C2orf81: variants seen among roughly 807,000 people sequenced by gnomAD.
C2orf81 encodes the protein chromosome 2 open reading frame 81.
In C2orf81, 5 loss-of-function variants were observed where a neutral mutation model predicts 7.9. The ratio of observed to expected loss-of-function variants is 0.63; its 90% CI spans 0.33 to 1.33. The LOEUF (loss-of-function observed/expected upper bound fraction) is 1.33, where lower values mean the gene tolerates loss of function less well. Ranked by LOEUF, C2orf81 falls within the 40% of genes most tolerant of loss-of-function variation. The pLI is 0.05. For synonymous variants in C2orf81, 346 were observed against 367.4 expected (o/e 0.94, Z 0.66); for missense variants, 781 against 830.4 (o/e 0.94, Z 0.73).
Position 74,415,376 on chromosome 2 carries a change from C to A in C2orf81, c.801G>T (p.Ala267=), listed in dbSNP as rs991471840. The change falls in exon 3 of 3, where the codon GCG becomes GCT. Residue 267 remains alanine, a synonymous_variant. Coordinates refer to ENST00000684111, the MANE Select transcript of C2orf81 (RefSeq NM_001316764.3). The surrounding 1 kb of genome is among the most constrained non-coding windows in gnomAD (Gnocchi z 5.5). The part of the protein sequence containing the change: ...SASFQLSVEE[A]PADDADPSLD... The stretch of plus-strand genomic sequence containing the variant: ...GAGAAGGGTCGGCATCGTCGGCAGG[C>A]GCCTCCTCCACCGACAGTTGGAAGC... The A allele has an allele frequency of 2.0e-6, 3 of 1,516,176 alleles. No homozygotes were observed. The highest frequency in any genetic ancestry group is 1.2e-5 in the South Asian group (1 of 80,206). The allele number at this position is 1,516,176 out of a possible 1,614,324, so 93.9% of individuals were successfully genotyped here. A position where few individuals can be genotyped will look rare whatever the true frequency, so the allele number is the denominator to read the frequency against.
chr2:74,416,246 G>T lies in C2orf81; in HGVS notation c.19-5C>A. The T allele has an allele frequency of 7.4e-7, 1 of 1,354,102 alleles. No individual in the cohort carries two copies. 83.9% of individuals were successfully genotyped at this position (1,354,102 alleles called of 1,614,324 possible). A position where few individuals can be genotyped will look rare whatever the true frequency, so the allele number is the denominator to read the frequency against. ...TCGGACCTGCCTCTCCTGCCTCTGT[G>T]AGAACAAAACATGGCAATCAGAGCA... On this transcript the variant is annotated splice_region_variant and splice_polypyrimidine_tract_variant and intron_variant, in intron 1 of 2. Coordinates refer to ENST00000684111, the MANE Select transcript of C2orf81 (RefSeq NM_001316764.3).
At chr2:74,417,536 G>T in intron 1 of C2orf81, 1 of 1,106,258 alleles carries the variant, frequency 9.0e-7, no homozygotes, top group Non-Finnish European at 1.2e-6. Context: ...CTAGTGCAGG[G>T]ACTAGGGAAG....
Position 74,416,226 on chromosome 2 carries a change from C to T in C2orf81, c.34G>A (p.Val12Ile). The T allele has an allele frequency of 1.5e-6, 2 of 1,373,540 alleles. No homozygotes were observed. The highest frequency in any genetic ancestry group is 1.9e-6 in the Non-Finnish European group (2 of 1,039,412). The allele number at this position is 1,373,540 out of a possible 1,614,324, so 85.1% of individuals were successfully genotyped here. Residue 12 changes from valine (V) to isoleucine (I), a missense_variant, in exon 2 of 3, where the codon GTC (valine) becomes ATC (isoleucine). Val to Ile is a conservative substitution (Grantham distance 29). Coordinates refer to ENST00000684111, the MANE Select transcript of C2orf81 (RefSeq NM_001316764.3). ...AHEGSRQERQVRDRGVTRSKA... is the reference protein window; with the variant it reads ...AHEGSRQERQIRDRGVTRSKA... Reference sequence around the variant, plus strand: ...GACCGGGTCACCCCGCGGTCTCGGACCTGCCTCTCCTGCCTCTGTGAGAAC... The same window carrying T: ...GACCGGGTCACCCCGCGGTCTCGGATCTGCCTCTCCTGCCTCTGTGAGAAC...
rs1676444372 is a variant in C2orf81 at position 74,415,693 on chromosome 2, C to A, written c.484G>T (p.Ala162Ser). 6.4e-7 allele frequency: 1 copy of A among 1,551,408 alleles called. No homozygotes were observed. Among genetic ancestry groups the A allele is most frequent in the Admixed American group, 2.0e-5 (1 of 50,994 alleles). Reference protein sequence around the residue: ...NFQGEVHSSGASPDSSAIAPA... With the variant: ...NFQGEVHSSGSSPDSSAIAPA... Reference sequence around the variant, plus strand: ...GCAATGGCAGAGGAGTCCGGAGAGGCTCCTGAGGAGTGTACTTCGCCTTGG... The same window carrying A: ...GCAATGGCAGAGGAGTCCGGAGAGGATCCTGAGGAGTGTACTTCGCCTTGG... The change falls in exon 3 of 3, where the codon GCC becomes TCC. Residue 162 changes from alanine to serine, a missense_variant. Physicochemically the swap from Ala to Ser is moderately conservative, Grantham distance 99. Transcript: ENST00000684111. The surrounding 1 kb of genome is among the most constrained non-coding windows in gnomAD (Gnocchi z 5.5).
chr2:74,420,766 C>CTTT (rs1676583081), intron 1 of C2orf81, among the ~76,000 whole-genome samples: 1 of 131,416 alleles, frequency 7.6e-6, no homozygotes, highest in African/African-American at 3.0e-5. Flanking sequence ...TTTCTTTCTT[C>CTTT]TTCTTCTTTT....
intron 1 of C2orf81, among the ~76,000 whole-genome samples, chr2:74,419,992 C>T (rs769984934): frequency 2.0e-4 from 30 of 152,182 alleles, no homozygotes; most frequent in Non-Finnish European, 4.0e-4. Flanking sequence ...CCAGACTGGT[C>T]TTGAACTGGC....
At chr2:74,420,763 C>CT (rs1676582720) in intron 1 of C2orf81, among the ~76,000 whole-genome samples, 1 of 126,326 alleles carries the variant, frequency 7.9e-6, no homozygotes, top group African/African-American at 3.2e-5. Flanking sequence ...CGTTTTCTTT[C>CT]TTCTTCTTCT....
chr2:74,415,671 A>G lies in C2orf81; in HGVS notation c.506T>C (p.Ile169Thr). 7.1e-6 allele frequency: 11 copies of G among 1,551,386 alleles called. No individual in the cohort carries two copies. The highest frequency in any genetic ancestry group is 9.6e-6 in the Non-Finnish European group (11 of 1,146,984). The stretch of plus-strand genomic sequence containing the variant: ...TGTCGGAAAGGGGAGAGCAGGAGCA[A>G]TGGCAGAGGAGTCCGGAGAGGCTCC... ...SSGASPDSSA[I>T]APALPFPTSH... Residue 169 changes from isoleucine to threonine, a missense_variant, in exon 3 of 3, where the codon ATT (isoleucine) becomes ACT (threonine). Transcript: ENST00000684111. This position sits in a 1 kb window ranked among gnomAD's most constrained non-coding sequence, Gnocchi z 5.5.
Position 74,414,745 on chromosome 2 carries a change from G to C in C2orf81, c.1432C>G (p.Arg478Gly), listed in dbSNP as rs1296574914. Residue 478 changes from arginine (R) to glycine (G), a missense_variant, in exon 3 of 3, where the codon CGC becomes GGC. By Grantham distance (125) the Arg-to-Gly change is moderately radical. Coordinates refer to ENST00000684111, the MANE Select transcript of C2orf81 (RefSeq NM_001316764.3). The surrounding 1 kb of genome is among the most constrained non-coding windows in gnomAD (Gnocchi z 5.3). ...AGCACCGGGTGTGTGGTGAGGAAGC[G>C]GATCCTGGAGTTTGGGAGTGGCAGC... ...SKLPLPNSRI[R>G]FLTTHPVLPD... 4 of 1,550,474 alleles carry C rather than the reference G, an allele frequency of 2.6e-6. No homozygotes were observed. The highest frequency in any genetic ancestry group is 1.7e-4 in the Middle Eastern group (1 of 5,988).
chr2:74,417,600 G>C, intron 1 of C2orf81: 2 of 1,045,240 alleles, frequency 1.9e-6, no homozygotes, highest in South Asian at 3.2e-5. Flanking sequence ...CAGTTTGGCT[G>C]GGGGAATCCT....
rs182585005 is a variant in C2orf81 at position 74,421,462 on chromosome 2, C to T, written c.18+81G>A. On this transcript the variant is annotated intron_variant, in intron 1 of 2. Coordinates refer to ENST00000684111, the MANE Select transcript of C2orf81 (RefSeq NM_001316764.3). ...GAGCAAGTAGGGGCACTGGGCGGCC[C>T]AGAGCCAGCCCACTGTTCCCGACAC... is the stretch of plus-strand genomic sequence containing the variant. The T allele has an allele frequency of 1.8e-3, 564 of 318,280 alleles. 3 individuals are homozygous for T. The highest frequency in any genetic ancestry group is 0.011 in the African/African-American group (519 of 46,812). The allele number at this position is 318,280 out of a possible 1,614,324, so 19.7% of individuals were successfully genotyped here. A position where few individuals can be genotyped will look rare whatever the true frequency, so the allele number is the denominator to read the frequency against.
chr2:74,416,477 G>A (rs1676470730), intron 1 of C2orf81: 1 of 317,952 alleles, frequency 3.1e-6, no homozygotes, highest in South Asian at 2.6e-5. Flanking sequence ...TGAGGAAGGA[G>A]AGTCACTTGA....
chr2:74,420,766 C>CTTTT (rs1676583081), intron 1 of C2orf81, among the ~76,000 whole-genome samples: 1 of 131,416 alleles, frequency 7.6e-6, no homozygotes, highest in African/African-American at 3.0e-5. Flanking sequence ...TTTCTTTCTT[C>CTTTT]TTCTTCTTTT....
intron 1 of C2orf81, chr2:74,417,680 T>C (rs1354655454): frequency 1.6e-6 from 1 of 628,602 alleles, no homozygotes; most frequent in Non-Finnish European, 2.4e-6. Flanking sequence ...TGTGCCAGAA[T>C]GGGGGCTTGG....
rs1432369768 is a variant in C2orf81 at position 74,415,559 on chromosome 2, C to T, written c.618G>A (p.Gln206=). The change falls in exon 3 of 3, where the codon CAG becomes CAA. Residue 206 remains glutamine, a synonymous_variant. Transcript: ENST00000684111. The surrounding 1 kb of genome is among the most constrained non-coding windows in gnomAD (Gnocchi z 5.5). ...LGRSWMGRGS[Q]EQMESWEPSP... ...AAGGCTCCCAAGATTCCATCTGCTC[C>T]TGGGAGCCTCGACCCATCCACGACC... 4 of 1,550,492 alleles carry T rather than the reference C, an allele frequency of 2.6e-6. No homozygotes were observed. In the African/African-American group the frequency reaches 5.5e-5, roughly 21 times the overall value.
Position 74,414,706 on chromosome 2 carries a change from G to A in C2orf81, c.1471C>T (p.Arg491Cys), listed in dbSNP as rs924134320. 6.5e-7 allele frequency: 1 copy of A among 1,544,098 alleles called. No homozygotes were observed. Among genetic ancestry groups the A allele is most frequent in the African/African-American group, 1.4e-5 (1 of 73,022 alleles). The change falls in exon 3 of 3, where the codon CGC (arginine) becomes TGC (cysteine). Residue 491 changes from arginine (R) to cysteine (C), a missense_variant. By Grantham distance (180) the Arg-to-Cys change is radical. Coordinates refer to ENST00000684111, the MANE Select transcript of C2orf81 (RefSeq NM_001316764.3). This position sits in a 1 kb window ranked among gnomAD's most constrained non-coding sequence, Gnocchi z 5.3. ...TTHPVLPDVA[R>C]SRSPKLWPSV... ...GGCCACAGCTTGGGGCTGCGGCTGC[G>A]GGCCACATCAGGGAGCACCGGGTGT...
Position 74,414,658 on chromosome 2 carries a change from A to T in C2orf81, c.1519T>A (p.Trp507Arg). 6.5e-7 allele frequency: 1 copy of T among 1,549,272 alleles called. No homozygotes were observed. The highest frequency in any genetic ancestry group is 8.7e-7 in the Non-Finnish European group (1 of 1,145,538). Residue 507 changes from tryptophan (W) to arginine (R), a missense_variant, in exon 3 of 3, where the codon TGG (tryptophan) becomes AGG (arginine). Transcript: ENST00000684111. The surrounding 1 kb of genome is among the most constrained non-coding windows in gnomAD (Gnocchi z 5.3). ...CCCAGCAGCTCGGCCTTCCCCTCCC[A>T]ACCGCTGGGCCACCTGACACTGGGC... ...LWPSVRWPSG[W>R]EGKAELLGEL...
Position 74,415,581 on chromosome 2 carries a change from G to A in C2orf81, c.596C>T (p.Ser199Leu), listed in dbSNP as rs1223600859. The part of the protein sequence containing the change: ...GGVDRIPLGR[S>L]WMGRGSQEQM... Reference sequence around the variant, plus strand: ...CTCCTGGGAGCCTCGACCCATCCACGACCTTCCTAAAGGGATCCGGTCCAC... The same window carrying A: ...CTCCTGGGAGCCTCGACCCATCCACAACCTTCCTAAAGGGATCCGGTCCAC... Residue 199 changes from serine (S) to leucine (L), a missense_variant, in exon 3 of 3, where the codon TCG (serine) becomes TTG (leucine). Ser to Leu is a moderately radical substitution (Grantham distance 145, BLOSUM62 -2). Coordinates refer to ENST00000684111, the MANE Select transcript of C2orf81 (RefSeq NM_001316764.3). This position sits in a 1 kb window ranked among gnomAD's most constrained non-coding sequence, Gnocchi z 5.5. 3 of 1,551,206 alleles carry A rather than the reference G, an allele frequency of 1.9e-6. No homozygotes were observed. Among genetic ancestry groups the A allele is most frequent in the Non-Finnish European group, 2.6e-6 (3 of 1,147,010 alleles).
intron 1 of C2orf81, among the ~76,000 whole-genome samples, chr2:74,420,953 T>C (rs1676595438): frequency 6.6e-6 from 1 of 151,880 alleles, no homozygotes; most frequent in African/African-American, 2.4e-5. Context: ...AGCTAATTTT[T>C]TGTATTTTAG....
Sources: allele counts gnomAD v4.1 joint callset (sites outside exome capture counted in the v4.1 genomes callset), GRCh38; gene constraint gnomAD v4.1.1; non-coding constraint Gnocchi (gnomAD v3.1); transcripts MANE v1.5; gene names NCBI Gene and HGNC (gene_info 2026-07-23, HGNC 2026-07-21).